NFASC: variants seen among roughly 807,000 people sequenced by gnomAD.
The protein encoded by NFASC is neurofascin homolog.
A neutral mutation model predicts 147.5 loss-of-function variants in NFASC; 43 were observed. The observed-to-expected ratio is 0.29, with a 90% CI of 0.23 to 0.38. The LOEUF is 0.38. NFASC is among the 10% of genes least tolerant of loss of function. The pLI is 1.00. For synonymous variants in NFASC, 622 were observed against 665.5 expected, an observed-to-expected ratio of 0.93 and a Z score of 1.01; for missense variants, 1,320 against 1,689.0, an observed-to-expected ratio of 0.78 and a Z score of 3.83.
At chr1:204,948,579 TAAAAAC>T in intron 3 of NFASC, 1 of 516,946 alleles carries the variant, frequency 1.9e-6, no homozygotes, top group Non-Finnish European at 3.9e-6. Context: ...ATGGATTTGT[TAAAAAC>T]AAAACAAAAC....
intron 1 of NFASC, among the ~76,000 whole-genome samples, chr1:204,829,177 A>G (rs1671489733): frequency 7.1e-6 from 1 of 140,180 alleles, no homozygotes; most frequent in South Asian, 2.5e-4. Context: ...TGTATTTCCT[A>G]CCGCACACAT....
rs2150241003 is a variant in NFASC, at chr1:204,968,785, G to T, written c.819-13G>T. 1 of 1,607,738 alleles carries T rather than the reference G, an allele frequency of 6.2e-7. No individual in the cohort carries two copies. The highest frequency in any genetic ancestry group is 8.5e-7 in the Non-Finnish European group (1 of 1,176,800). On this transcript the variant is annotated splice_polypyrimidine_tract_variant and intron_variant, in intron 9 of 29. Transcript: ENST00000339876. This position sits in a 1 kb window ranked among gnomAD's most constrained non-coding sequence, Gnocchi z 5.4. ...TTAGTGATAACTTGTTTCCTGCTTG[G>T]CGCCTCTCCTAGCCCAACACCAGAC... is the stretch of plus-strand genomic sequence containing the variant.
chr1:204,995,315 AGTGTGT>A (rs60921990), intron 24 of NFASC, among the ~76,000 whole-genome samples: 6,277 of 140,222 alleles, frequency 0.045, 185 homozygotes, highest in African/African-American at 0.086. Flanking sequence ...ATGTGTGCAC[AGTGTGT>A]GTGTGTGTGT....
At chr1:204,847,109 C>T (rs1432714679) in intron 1 of NFASC, among the ~76,000 whole-genome samples, 2 of 152,024 alleles carry the variant, frequency 1.3e-5, no homozygotes, top group African/African-American at 4.8e-5. Context: ...TGGTTATTTG[C>T]CTTAACCACC....
rs766992555 is a variant in NFASC, at chr1:204,944,343, G to T, written c.28G>T (p.Val10Phe). Residue 10 changes from valine (V) to phenylalanine (F), a missense_variant, in exon 3 of 30, where the codon GTC becomes TTC. Coordinates refer to ENST00000339876, the MANE Select transcript of NFASC (RefSeq NM_001005388.3). ...GGCCAGGCAGCCACCGCCGCCCTGG[G>T]TCCATGCAGCCTTCCTCCTCTGCCT... Reference protein sequence around the residue: MARQPPPPWVHAAFLLCLLS... With the variant: MARQPPPPWFHAAFLLCLLS... 2.5e-6 allele frequency: 4 copies of T among 1,613,706 alleles called. No individual in the cohort carries two copies. The African/African-American group carries it at 5.3e-5, about 22-fold the overall frequency.
At chr1:204,947,184 T>G in intron 3 of NFASC, 1 of 205,788 alleles carries the variant, frequency 4.9e-6, no homozygotes. Flanking sequence ...ATAAAGACTG[T>G]TTATTCCTCA....
At chr1:204,861,769 G>A (rs932577549) in intron 1 of NFASC, among the ~76,000 whole-genome samples, 3 of 152,160 alleles carry the variant, frequency 2.0e-5, no homozygotes, top group Non-Finnish European at 4.4e-5. Context: ...GATTACAGGC[G>A]TGAGCCACCG....
chr1:204,896,288 C>T (rs771733718), intron 1 of NFASC, among the ~76,000 whole-genome samples: 2 of 152,128 alleles, frequency 1.3e-5, no homozygotes, highest in Non-Finnish European at 2.9e-5. Context: ...GGCATTTAGA[C>T]GGGTCTAGAA....
intron 1 of NFASC, among the ~76,000 whole-genome samples, chr1:204,917,077 C>T (rs1282903965): frequency 2.0e-5 from 3 of 152,114 alleles, no homozygotes; most frequent in Non-Finnish European, 2.9e-5. Flanking sequence ...ATTAGCCAAG[C>T]GTGGTGACAC....
rs370300963 is a variant in NFASC, at chr1:204,916,714, T to C, written c.-199-3918T>C. Reference sequence around the variant, plus strand: ...ACTCACATGGATTCTTTTTTGTTTTTTTTGTTTGTTTGTTTTTTGTTTTTT... The same window carrying C: ...ACTCACATGGATTCTTTTTTGTTTTCTTTGTTTGTTTGTTTTTTGTTTTTT... On this transcript the variant is annotated intron_variant, in intron 1 of 29. Coordinates refer to ENST00000339876, the MANE Select transcript of NFASC (RefSeq NM_001005388.3). 1.7e-4 allele frequency among the ~76,000 whole-genome samples: 10 copies of C among 59,856 alleles called. No homozygotes were observed. In the East Asian group the frequency reaches 4.3e-3, roughly 25 times the overall value. 39.3% of individuals were successfully genotyped at this position (59,856 alleles called of 152,430 possible). A position where few individuals can be genotyped will look rare whatever the true frequency, so the allele number is the denominator to read the frequency against.
chr1:204,970,526 G>A, intron 10 of NFASC, 90 bp from the exon 11 acceptor site: 8 of 1,479,698 alleles, frequency 5.4e-6, no homozygotes, highest in Non-Finnish European at 7.5e-6. Flanking sequence ...GGACTCAGGG[G>A]CTCCTGCCAT....
chr1:204,973,340 C>G lies in NFASC; in HGVS notation c.1200C>G (p.Ile400Met), dbSNP rs779679398. The change falls in exon 12 of 30, where the codon ATC (isoleucine) becomes ATG (methionine). Residue 400 changes from isoleucine (I) to methionine (M), a missense_variant. This residue lies in a region of NFASC where 981 missense variants were observed against 1,289.5 expected (regional missense o/e 0.76). Transcript: ENST00000339876. ...GDTIIFRDTQISSRAVYQCNT... is the reference protein window; with the variant it reads ...GDTIIFRDTQMSSRAVYQCNT... ...CCATCATCTTCCGGGACACCCAGAT[C>G]AGCAGCAGGGCTGTGTACCAGTGCA... 2.5e-6 allele frequency: 4 copies of G among 1,614,254 alleles called. No homozygotes were observed. Among genetic ancestry groups the G allele is most frequent in the Non-Finnish European group, 3.4e-6 (4 of 1,180,040 alleles).
At chr1:204,942,014 A>C (rs2093394250) in intron 2 of NFASC, among the ~76,000 whole-genome samples, 1 of 152,098 alleles carries the variant, frequency 6.6e-6, no homozygotes, top group South Asian at 2.1e-4. Flanking sequence ...TCATTTTTTC[A>C]TCCATCCATA....
At chr1:204,863,471 A>G (rs2076836930) in intron 1 of NFASC, among the ~76,000 whole-genome samples, 1 of 152,228 alleles carries the variant, frequency 6.6e-6, no homozygotes, top group African/African-American at 2.4e-5. Flanking sequence ...TTGTAGACAT[A>G]CAACTCAGTT....
intron 1 of NFASC, among the ~76,000 whole-genome samples, chr1:204,867,323 A>G (rs1038231723): frequency 6.6e-6 from 1 of 152,056 alleles, no homozygotes; most frequent in Non-Finnish European, 1.5e-5. Context: ...GTGCCCACAA[A>G]CACACATACA....
At chr1:204,956,091 C>G (rs1377601036) in intron 7 of NFASC, among the ~76,000 whole-genome samples, 4 of 152,220 alleles carry the variant, frequency 2.6e-5, no homozygotes, top group South Asian at 2.1e-4. Context: ...GTTGTGTTCA[C>G]TCTGCCTCCC....
intron 1 of NFASC, among the ~76,000 whole-genome samples, chr1:204,863,604 C>G (rs1035703441): frequency 2.0e-5 from 3 of 152,100 alleles, no homozygotes; most frequent in Non-Finnish European, 4.4e-5. Flanking sequence ...AATCCTAGCA[C>G]TTTGGAAGGC....
At chr1:204,965,108 G>T (rs1406346946) in intron 8 of NFASC, among the ~76,000 whole-genome samples, 13 of 152,178 alleles carry the variant, frequency 8.5e-5, no homozygotes, top group African/African-American at 3.1e-4. Context: ...AATCCACACA[G>T]ATATGAGCTT....
At chr1:204,988,507 C>A in intron 22 of NFASC, 126 bp from the exon 23 acceptor site, 1 of 821,438 alleles carries the variant, frequency 1.2e-6, no homozygotes. Flanking sequence ...TTTAAGATCA[C>A]CAGGCAGGTG....
Sources: allele counts gnomAD v4.1 joint callset (sites outside exome capture counted in the v4.1 genomes callset), GRCh38; gene constraint gnomAD v4.1.1; regional missense constraint gnomAD v4.1.1; non-coding constraint Gnocchi (gnomAD v3.1); transcripts MANE v1.5; gene names NCBI Gene and HGNC (gene_info 2026-07-23, HGNC 2026-07-21).